TACC2: variants seen among roughly 807,000 people sequenced by gnomAD.
TACC2 encodes transforming acidic coiled-coil-containing protein 2.
Under a neutral mutation model 227.3 loss-of-function variants are expected in TACC2, and 137 were observed. The observed-to-expected ratio is 0.60, with a 90% CI of 0.52 to 0.69. The LOEUF (loss-of-function observed/expected upper bound fraction) is 0.69. Ranked by LOEUF, TACC2 falls within the 30% of genes least tolerant of loss-of-function variation. The pLI is 0.00. For synonymous variants in TACC2, 1,523 were observed against 1,487.5 expected (o/e 1.02, Z -0.55); for missense variants, 3,470 against 3,694.4 (o/e 0.94, Z 1.57).
intron 5 of TACC2, among the ~76,000 whole-genome samples, chr10:122,115,704 G>A (rs533221867): frequency 2.6e-5 from 4 of 152,158 alleles, no homozygotes; most frequent in Non-Finnish European, 5.9e-5. Context: ...AGAGAATGAG[G>A]GCTTGATGGG....
At chr10:122,021,249 GA>G (rs1565087572) in intron 1 of TACC2, among the ~76,000 whole-genome samples, 2 of 149,942 alleles carry the variant, frequency 1.3e-5, no homozygotes, top group African/African-American at 4.9e-5. Context: ...AGGCGGGGGG[GA>G]AGAAAGATCA....
chr10:122,015,376 G>C (rs933917880), intron 1 of TACC2, among the ~76,000 whole-genome samples: 1 of 151,700 alleles, frequency 6.6e-6, no homozygotes, highest in East Asian at 1.9e-4. Flanking sequence ...GTGGTGGCAC[G>C]CACCTGTAGT....
intron 5 of TACC2, among the ~76,000 whole-genome samples, chr10:122,105,339 C>T (rs140988298): frequency 1.5e-3 from 234 of 152,290 alleles, no homozygotes; most frequent in African/African-American, 5.5e-3. Flanking sequence ...CCTCATTTCC[C>T]AGGATTGATA....
chr10:122,143,777 GTCT>G (rs1198821962), intron 7 of TACC2, 71 bp downstream of exon 7: 6 of 1,522,766 alleles, frequency 3.9e-6, no homozygotes, highest in Non-Finnish European at 4.5e-6. Flanking sequence ...TGCCCCCTAG[GTCT>G]TGGGGTGAGC....
chr10:122,108,609 C>A lies in TACC2; in HGVS notation c.5573+20018C>A, dbSNP rs546594081. Among the ~76,000 whole-genome samples, 18 of 150,520 alleles carry A rather than the reference C, an allele frequency of 1.2e-4. No individual in the cohort carries two copies. The Middle Eastern group carries it at 0.01, about 88-fold the overall frequency. On this transcript the variant is annotated intron_variant, in intron 5 of 22. Transcript: ENST00000369005. ...TACAGGCACGTGCCACCATGCCCAGCTAATTTTTGTATGTTTAGTAGAGAC... is the reference window on the plus strand; with the variant it reads ...TACAGGCACGTGCCACCATGCCCAGATAATTTTTGTATGTTTAGTAGAGAC...
At chr10:122,222,727 C>T (rs1277084307) in intron 11 of TACC2, among the ~76,000 whole-genome samples, 1 of 152,206 alleles carries the variant, frequency 6.6e-6, no homozygotes, top group Non-Finnish European at 1.5e-5. Flanking sequence ...GAGCCGGGCA[C>T]TCGCCCGGGG....
chr10:122,234,392 T>C (rs1479817563), intron 16 of TACC2, among the ~76,000 whole-genome samples: 1 of 152,244 alleles, frequency 6.6e-6, no homozygotes, highest in Non-Finnish European at 1.5e-5. Context: ...CACATTTCAA[T>C]TTGTGATTCT....
At chr10:122,040,699 G>C (rs1189672978) in intron 2 of TACC2, among the ~76,000 whole-genome samples, 1 of 152,102 alleles carries the variant, frequency 6.6e-6, no homozygotes, top group Non-Finnish European at 1.5e-5. Flanking sequence ...TCATCATTCA[G>C]TAACTCCATT....
chr10:122,242,926 T>A (rs1209321652), intron 19 of TACC2, among the ~76,000 whole-genome samples: 1 of 152,100 alleles, frequency 6.6e-6, no homozygotes, highest in Non-Finnish European at 1.5e-5. Context: ...TGAGCTACCA[T>A]GCCCAGCCCA....
intron 16 of TACC2, 113 bp downstream of exon 16, chr10:122,230,553 A>G: frequency 2.1e-6 from 2 of 948,886 alleles, no homozygotes; most frequent in Non-Finnish European, 3.3e-6. Context: ...TGTCCAGCAA[A>G]GAGTCGTTTC....
intron 5 of TACC2, among the ~76,000 whole-genome samples, chr10:122,124,974 C>T (rs558360119): frequency 1.3e-5 from 2 of 151,834 alleles, no homozygotes; most frequent in Non-Finnish European, 2.9e-5. Context: ...TCCCAGCCCC[C>T]CAGTGTGCCT....
At chr10:121,990,714 CAG>C (rs1952992781) in intron 1 of TACC2, among the ~76,000 whole-genome samples, 6 of 152,168 alleles carry the variant, frequency 3.9e-5, no homozygotes, top group Admixed American at 3.3e-4. Flanking sequence ...AAGCTCTCAT[CAG>C]CTAATGTGCC....
At chr10:122,129,052 C>CA (rs1555055831) in intron 5 of TACC2, among the ~76,000 whole-genome samples, 2 of 91,584 alleles carry the variant, frequency 2.2e-5, no homozygotes, top group Non-Finnish European at 2.5e-5. Flanking sequence ...GAAGATCTAT[C>CA]TTATTTTAAT....
Position 122,084,180 on chromosome 10 carries a change from A to G in TACC2, c.1680A>G (p.Thr560=). The change falls in exon 4 of 23, where the codon ACA becomes ACG. Residue 560 remains threonine (T), a synonymous_variant. Coordinates refer to ENST00000369005, the MANE Select transcript of TACC2 (RefSeq NM_206862.4). ...GAGCCAAGGTCCATGAAGATTCCAC[A>G]AGCCCAGCCGTGGCTAAAGAAGGAA... ...TDGAKVHEDS[T]SPAVAKEGSR... is the part of the protein sequence containing the mutation. 3 of 1,614,030 alleles carry G rather than the reference A, an allele frequency of 1.9e-6. No homozygotes were observed. The highest frequency in any genetic ancestry group is 2.5e-6 in the Non-Finnish European group (3 of 1,180,022).
intron 1 of TACC2, among the ~76,000 whole-genome samples, chr10:122,000,468 A>C (rs1954161371): frequency 6.6e-6 from 1 of 152,212 alleles, no homozygotes; most frequent in Non-Finnish European, 1.5e-5. Flanking sequence ...GCTTATGAAG[A>C]GATGACCTGA....
At chr10:122,181,650 G>A (rs1339649136) in intron 7 of TACC2, among the ~76,000 whole-genome samples, 1 of 152,166 alleles carries the variant, frequency 6.6e-6, no homozygotes, top group Non-Finnish European at 1.5e-5. Context: ...CTGTGGTGCT[G>A]TTTTCTCCTA....
intron 12 of TACC2, among the ~76,000 whole-genome samples, chr10:122,225,005 T>C (rs1199982168): frequency 6.7e-6 from 1 of 149,922 alleles, no homozygotes; most frequent in African/African-American, 2.5e-5. Context: ...AATGATAGAA[T>C]ACAATTAGAC....
chr10:122,083,376 AG>A lies in TACC2; in HGVS notation c.880del (p.Glu294ArgfsTer7). 1 of 1,613,950 alleles carries A rather than the reference AG, an allele frequency of 6.2e-7. No individual in the cohort carries two copies. The highest frequency in any genetic ancestry group is 8.5e-7 in the Non-Finnish European group (1 of 1,179,998). On this transcript the variant is annotated frameshift_variant, in exon 4 of 23. Transcript: ENST00000369005. LOFTEE classifies it high-confidence loss of function. ...GAGCCTCAGACAGAGAAAGAGGCCA[AG>A]GGGAGGCGCCGCCTCAGTATTTAAC... ...PRASDRERGQ[G>X]EAPPQYLTDD...
At chr10:122,079,411 A>G (rs1248443967) in intron 3 of TACC2, among the ~76,000 whole-genome samples, 1 of 152,138 alleles carries the variant, frequency 6.6e-6, no homozygotes, top group Non-Finnish European at 1.5e-5. Context: ...GGAGGGTTTT[A>G]TATAATTTAC....
Sources: allele counts gnomAD v4.1 joint callset (sites outside exome capture counted in the v4.1 genomes callset), GRCh38; gene constraint gnomAD v4.1.1; transcripts MANE v1.5; gene names NCBI Gene and HGNC (gene_info 2026-07-23, HGNC 2026-07-21).